The following SPATA6 variants were observed in gnomAD, a reference collection of about 807,000 sequenced individuals.
SPATA6 encodes the protein spermatogenesis associated 6, also known as spermatogenesis-associated protein 6.
SPATA6 carries 56 observed loss-of-function variants against 65.3 expected under a neutral mutation model. The observed-to-expected ratio is 0.86, with a 90% CI of 0.69 to 1.07. SPATA6 has a LOEUF of 1.07. Ranked by LOEUF, SPATA6 falls within the 50% of genes least tolerant of loss-of-function variation. SPATA6 has a pLI of 0.00. For missense variants in SPATA6, 590 were observed against 594.8 expected (o/e 0.99, Z 0.08); for synonymous variants, 199 against 213.2 (o/e 0.93, Z 0.58).
chr1:48,393,221 T>G (rs1650246651), intron 8 of SPATA6: 1 of 152,088 alleles, frequency 6.6e-6, no homozygotes, highest in African/African-American at 2.4e-5. Flanking sequence ...ATGAGTAAAA[T>G]TAACATCCCC....
chr1:48,424,744 T>C (rs906387687), intron 3 of SPATA6, among the ~76,000 whole-genome samples: 3 of 152,246 alleles, frequency 2.0e-5, no homozygotes, highest in Non-Finnish European at 2.9e-5. Context: ...TGATCAATGA[T>C]GTTGAGCACA....
the SPATA6 span, among the ~76,000 whole-genome samples, chr1:48,276,737 T>C: frequency 6.6e-6 from 1 of 152,250 alleles, no homozygotes; most frequent in Non-Finnish European, 1.5e-5. Context: ...AACTGAGGAG[T>C]GTTTTACTTC....
chr1:48,277,870 C>T, the SPATA6 span, among the ~76,000 whole-genome samples: 1 of 152,258 alleles, frequency 6.6e-6, no homozygotes, highest in South Asian at 2.1e-4. Flanking sequence ...AATGGGCAGA[C>T]TGCCTCCTCA....
chr1:48,330,916 A>C (rs1213860122), intron 11 of SPATA6, among the ~76,000 whole-genome samples: 1 of 152,214 alleles, frequency 6.6e-6, no homozygotes, highest in Non-Finnish European at 1.5e-5. Flanking sequence ...AGCTCCATGG[A>C]CCACAACCCC....
At chr1:48,447,184 T>C (rs1040630784) in intron 3 of SPATA6, among the ~76,000 whole-genome samples, 1 of 152,130 alleles carries the variant, frequency 6.6e-6, no homozygotes, top group Non-Finnish European at 1.5e-5. Context: ...ACGCTTCTGG[T>C]CAAGAATAGG....
chr1:48,376,985 C>T (rs1421702826), intron 9 of SPATA6, among the ~76,000 whole-genome samples: 1 of 152,144 alleles, frequency 6.6e-6, no homozygotes, highest in Non-Finnish European at 1.5e-5. Flanking sequence ...AAAACATCAT[C>T]ACACACCACT....
intron 11 of SPATA6, chr1:48,344,109 T>C (rs549513990): frequency 3.5e-4 from 53 of 152,172 alleles, no homozygotes; most frequent in African/African-American, 1.3e-3. Context: ...AAAGTCAATA[T>C]ACGCTATGAA....
At chr1:48,314,273 C>T (rs371074370) in intron 11 of SPATA6, among the ~76,000 whole-genome samples, 97 of 152,144 alleles carry the variant, frequency 6.4e-4, no homozygotes, top group Admixed American at 2.0e-3. Flanking sequence ...TATTCCAAAA[C>T]TGACCACATA....
intron 3 of SPATA6, among the ~76,000 whole-genome samples, chr1:48,442,846 T>C (rs1655653270): frequency 1.3e-5 from 2 of 152,094 alleles, no homozygotes; most frequent in South Asian, 2.1e-4. Flanking sequence ...ACCACCTTGT[T>C]GTCAGTGTAA....
chr1:48,442,741 AAAAAC>A (rs1655638836), intron 3 of SPATA6, among the ~76,000 whole-genome samples: 2 of 150,514 alleles, frequency 1.3e-5, no homozygotes. Flanking sequence ...AAAAAAAAAA[AAAAAC>A]AGTGTACCCT....
intron 9 of SPATA6, among the ~76,000 whole-genome samples, chr1:48,368,052 T>C (rs11205479): frequency 1.3e-5 from 2 of 152,072 alleles, no homozygotes; most frequent in Non-Finnish European, 2.9e-5. Context: ...CCTTCACTTA[T>C]GAAGCTTAGT....
At chr1:48,335,337 C>CA (rs111941315) in intron 11 of SPATA6, among the ~76,000 whole-genome samples, 58,841 of 142,654 alleles carry the variant, frequency 0.41, 13,144 homozygotes, top group Middle Eastern at 0.53. Context: ...CAATCCTAGG[C>CA]AAAAAAAAAA....
chr1:48,373,767 A>T (rs1225644196), intron 9 of SPATA6, among the ~76,000 whole-genome samples: 1 of 152,206 alleles, frequency 6.6e-6, no homozygotes, highest in Non-Finnish European at 1.5e-5. Context: ...GAAGAAGCAA[A>T]AGCAGAAACC....
intron 5 of SPATA6, 139 bp downstream of exon 5, chr1:48,411,325 G>A (rs1487125153): frequency 1.0e-6 from 1 of 973,354 alleles, no homozygotes; most frequent in African/African-American, 1.7e-5. Context: ...AAACAATTAA[G>A]ATTTAAACTA....
At chr1:48,394,247 T>G (rs1231804037) in intron 8 of SPATA6, among the ~76,000 whole-genome samples, 1 of 151,842 alleles carries the variant, frequency 6.6e-6, no homozygotes, top group African/African-American at 2.4e-5. Flanking sequence ...ACTGACTGCT[T>G]TGATTAAAAG....
intron 3 of SPATA6, among the ~76,000 whole-genome samples, chr1:48,420,195 T>A (rs1350344274): frequency 1.3e-5 from 2 of 152,112 alleles, no homozygotes; most frequent in African/African-American, 2.4e-5. Context: ...AGCTAGCATG[T>A]GGAGGTTCCT....
chr1:48,347,547 A>G (rs1393830394), intron 11 of SPATA6, among the ~76,000 whole-genome samples: 1 of 147,704 alleles, frequency 6.8e-6, no homozygotes, highest in Non-Finnish European at 1.5e-5. Flanking sequence ...AATTAATTAT[A>G]TAATTAATTT....
At chr1:48,348,898 G>A (rs1342822795) in intron 11 of SPATA6, among the ~76,000 whole-genome samples, 1 of 151,868 alleles carries the variant, frequency 6.6e-6, no homozygotes. Context: ...CTGACAATGA[G>A]AAATCTACTG....
intron 3 of SPATA6, among the ~76,000 whole-genome samples, chr1:48,427,434 C>CA (rs760835892): frequency 0.088 from 5,906 of 67,186 alleles, 241 homozygotes; most frequent in East Asian, 0.33. Context: ...AAAATTGAGG[C>CA]AAAAAAAAAA....
Sources: gnomAD v4.1 joint callset for allele counts (sites outside exome capture counted in the v4.1 genomes callset) on GRCh38, gnomAD v4.1.1 for gene constraint, MANE v1.5 for transcripts, NCBI Gene and HGNC (gene_info 2026-07-23, HGNC 2026-07-21) for gene names.